Variants in ANGPTL7 observed in about 807,000 individuals in gnomAD.
The protein encoded by ANGPTL7 is angiopoietin-related protein 7.
In ANGPTL7, 37 loss-of-function variants were observed where a neutral mutation model predicts 38.8. The observed-to-expected ratio is 0.95, with a 90% CI of 0.73 to 1.25. The LOEUF is 1.25. ANGPTL7 is among the 50% of genes most tolerant of loss of function. The probability of loss-of-function intolerance (pLI) is 0.00; values close to 1 mark genes in which losing one functional copy is unlikely to be tolerated. For synonymous variants in ANGPTL7, 166 were observed against 163.2 expected, an observed-to-expected ratio of 1.02 and a Z score of -0.13; for missense variants, 427 against 438.6, an observed-to-expected ratio of 0.97 and a Z score of 0.24.
chr1:11,191,798 T>C (rs982948840), intron 1 of ANGPTL7, among the ~76,000 whole-genome samples: 1 of 152,190 alleles, frequency 6.6e-6, no homozygotes, highest in Non-Finnish European at 1.5e-5. Context: ...CAGGTGGCAG[T>C]AGCCACCATC....
chr1:11,194,637 C>A lies in ANGPTL7; in HGVS notation c.849C>A (p.Asp283Glu). 1 of 1,614,210 alleles carries A rather than the reference C, an allele frequency of 6.2e-7. No individual in the cohort carries two copies. Among genetic ancestry groups the A allele is most frequent in the Non-Finnish European group, 8.5e-7 (1 of 1,180,040 alleles). The change falls in exon 4 of 5, where the codon GAC (aspartate) becomes GAA (glutamate). Residue 283 changes from aspartate to glutamate, a missense_variant. Transcript: ENST00000376819. The stretch of plus-strand genomic sequence containing the variant: ...ACAAGGACAATGACAACTGCTTGGA[C>A]AAGTGTGCACAGCTCCGCAAAGGTG... ...TKDKDNDNCL[D>E]KCAQLRKGGY...
Position 11,189,377 on chromosome 1 carries a change from G to A in ANGPTL7, c.-203G>A, listed in dbSNP as rs915710172. The stretch of plus-strand genomic sequence containing the variant: ...TTCGGGCTTGGAAGGAAAGCTATAG[G>A]CTACCCATTCAGCTCCCCTGTCAGA... On this transcript the variant is annotated 5_prime_UTR_variant, in exon 1 of 5. Coordinates refer to ENST00000376819, the MANE Select transcript of ANGPTL7 (RefSeq NM_021146.4). 1.4e-5 allele frequency: 9 copies of A among 633,582 alleles called. No homozygotes were observed. Among genetic ancestry groups the A allele is most frequent in the Admixed American group, 8.9e-5 (3 of 33,528 alleles). The allele number at this position is 633,582 out of a possible 1,614,324, so 39.2% of individuals were successfully genotyped here. A position where few individuals can be genotyped will look rare whatever the true frequency, so the allele number is the denominator to read the frequency against.
At chr1:11,193,259 G>A (rs1205500619) in intron 2 of ANGPTL7, among the ~76,000 whole-genome samples, 1 of 151,852 alleles carries the variant, frequency 6.6e-6, no homozygotes, top group Non-Finnish European at 1.5e-5. Context: ...GCAGTGAGCC[G>A]AGATTGCACC....
In ANGPTL7 at chr1:11,194,571, C is replaced by T. The variant is rs113054822; in HGVS notation, c.783C>T (p.Asp261=). 7.3e-5 allele frequency: 118 copies of T among 1,614,160 alleles called. No individual in the cohort carries two copies. Among genetic ancestry groups the T allele is most frequent in the South Asian group, 1.6e-4 (15 of 91,080 alleles). The change falls in exon 4 of 5, where the codon GAC becomes GAT. Residue 261 remains aspartate, a synonymous_variant. Transcript: ENST00000376819. ...LGNYTGNVGN[D]ALQYHNNTAF... ...ACTACACTGGCAATGTGGGGAACGACGCCCTCCAGTATCATAACAACACAG... is the reference window on the plus strand; with the variant it reads ...ACTACACTGGCAATGTGGGGAACGATGCCCTCCAGTATCATAACAACACAG...
chr1:11,193,795 C>T (rs1294711244), intron 3 of ANGPTL7, 21 bp downstream of exon 3: 15 of 1,613,168 alleles, frequency 9.3e-6, no homozygotes, highest in Non-Finnish European at 1.3e-5. Flanking sequence ...GGCCAGGGGC[C>T]CCATGACTGG....
At chr1:11,192,462 A>G in intron 2 of ANGPTL7, 92 bp downstream of exon 2, 1 of 1,181,136 alleles carries the variant, frequency 8.5e-7, no homozygotes, top group Non-Finnish European at 1.2e-6. Context: ...CAGTTTAAAG[A>G]AAGGAAAATT....
chr1:11,194,867 C>T lies in ANGPTL7; in HGVS notation c.885C>T (p.Tyr295=), dbSNP rs1482027659. ...TTCTCATGCCAGGTGGCTACTGGTA[C>T]AACTGCTGCACAGACTCCAACCTCA... ...CAQLRKGGYW[Y]NCCTDSNLNG... The change falls in exon 5 of 5, where the codon TAC becomes TAT. Residue 295 remains tyrosine, a synonymous_variant. Coordinates refer to ENST00000376819, the MANE Select transcript of ANGPTL7 (RefSeq NM_021146.4). 1 of 1,613,976 alleles carries T rather than the reference C, an allele frequency of 6.2e-7. No homozygotes were observed. Among genetic ancestry groups the T allele is most frequent in the African/African-American group, 1.3e-5 (1 of 74,928 alleles).
At chr1:11,190,096 T>A in intron 1 of ANGPTL7, 141 bp downstream of exon 1, 1 of 981,198 alleles carries the variant, frequency 1.0e-6, no homozygotes, top group Non-Finnish European at 1.5e-6. Flanking sequence ...ATGCAGTATT[T>A]CCTTTGACTT....
Position 11,193,762 on chromosome 1 carries a change from T to C in ANGPTL7, c.660T>C (p.Arg220=). Residue 220 remains arginine, a synonymous_variant, in exon 3 of 5, where the codon CGT becomes CGC. Coordinates refer to ENST00000376819, the MANE Select transcript of ANGPTL7 (RefSeq NM_021146.4). The part of the protein sequence containing the change: ...HRLSRQPTRL[R]VEMEDWEGNL... The stretch of plus-strand genomic sequence containing the variant: ...TCTCCAGACAGCCAACCCGGCTGCG[T>C]GTAGAGATGGAGGTAAGCACAAGGC... 6.2e-7 allele frequency: 1 copy of C among 1,613,994 alleles called. No homozygotes were observed. The highest frequency in any genetic ancestry group is 8.5e-7 in the Non-Finnish European group (1 of 1,179,982).
intron 1 of ANGPTL7, 25 bp from the exon 2 acceptor site, chr1:11,192,245 C>A: frequency 6.5e-7 from 1 of 1,545,532 alleles, no homozygotes; most frequent in Non-Finnish European, 8.9e-7. Flanking sequence ...TCTAAATGCT[C>A]ACCCTGTGGT....
chr1:11,193,933 A>T (rs1645667183), intron 3 of ANGPTL7, among the ~76,000 whole-genome samples, 159 bp downstream of exon 3: 2 of 97,770 alleles, frequency 2.0e-5, no homozygotes, highest in African/African-American at 4.9e-5. Context: ...AAAAATAGGT[A>T]TTTTTCCTTT....
At position 11,193,856 on chromosome 1, in the gene ANGPTL7, T is replaced by C; in HGVS notation, c.672+82T>C. The C allele has an allele frequency of 3.6e-6, 5 of 1,377,426 alleles. No individual in the cohort carries two copies. The South Asian group carries it at 6.4e-5, about 18-fold the overall frequency. 85.3% of individuals were successfully genotyped at this position (1,377,426 alleles called of 1,614,324 possible). ...TACAACTCCGGGGGTGCCATTCCTA[T>C]TCTGATTCAAGACAAATCTGTATAT... On this transcript the variant is annotated intron_variant, in intron 3 of 4. Transcript: ENST00000376819.
Position 11,194,901 on chromosome 1 carries a change from T to G in ANGPTL7, c.919T>G (p.Tyr307Asp). 2 of 1,614,166 alleles carry G rather than the reference T, an allele frequency of 1.2e-6. No individual in the cohort carries two copies. Among genetic ancestry groups the G allele is most frequent in the South Asian group, 2.2e-5 (2 of 91,080 alleles). ...CCTDSNLNGV[Y>D]YRLGEHNKHL... ...CACAGACTCCAACCTCAATGGAGTG[T>G]ACTACCGCCTGGGTGAGCACAATAA... Residue 307 changes from tyrosine to aspartate, a missense_variant, in exon 5 of 5, where the codon TAC becomes GAC. Coordinates refer to ENST00000376819, the MANE Select transcript of ANGPTL7 (RefSeq NM_021146.4).
At position 11,195,048 on chromosome 1, in the gene ANGPTL7, T is replaced by C. The variant is rs746887202; in HGVS notation, c.*25T>C. 5.6e-6 allele frequency: 9 copies of C among 1,610,336 alleles called. No individual in the cohort carries two copies. Among genetic ancestry groups the C allele is most frequent in the Middle Eastern group, 2.0e-4 (1 of 4,964 alleles). ...AAAGGAGGCTGCCGTGGAGCACGGA[T>C]ACAGAAACTGAGACACGTGGAGACT... is the stretch of plus-strand genomic sequence containing the variant. On this transcript the variant is annotated 3_prime_UTR_variant, in exon 5 of 5. Coordinates refer to ENST00000376819, the MANE Select transcript of ANGPTL7 (RefSeq NM_021146.4).
rs1293331944 is a variant in ANGPTL7 at position 11,191,982 on chromosome 1, G to A, written c.377-288G>A. 2.6e-5 allele frequency among the ~76,000 whole-genome samples: 4 copies of A among 152,158 alleles called. No homozygotes were observed. In the East Asian group the frequency reaches 7.7e-4, roughly 29 times the overall value. On this transcript the variant is annotated intron_variant, in intron 1 of 4. Coordinates refer to ENST00000376819, the MANE Select transcript of ANGPTL7 (RefSeq NM_021146.4). ...TAACATTTCTAGAATTCATGGCCCA[G>A]CTATAGCAGAATAATTTATTTCAGA...
chr1:11,193,705 CTTCTGGCTGGGG>C lies in ANGPTL7; in HGVS notation c.604_615del (p.Phe202_Gly205del). 6.2e-7 allele frequency: 1 copy of C among 1,614,130 alleles called. No individual in the cohort carries two copies. The highest frequency in any genetic ancestry group is 8.5e-7 in the Non-Finnish European group (1 of 1,180,008). On this transcript the variant is annotated inframe_deletion, in exon 3 of 5. Coordinates refer to ENST00000376819, the MANE Select transcript of ANGPTL7 (RefSeq NM_021146.4). ...AGGGCTTTGGCAGCATCCGTGGGGA[CTTCTGGCTGGGG>C]AACGAACACATCCACCGGCTCTCCA... is the stretch of plus-strand genomic sequence containing the variant.
At chr1:11,191,587 T>C (rs925044334) in intron 1 of ANGPTL7, among the ~76,000 whole-genome samples, 8 of 152,146 alleles carry the variant, frequency 5.3e-5, no homozygotes, top group East Asian at 1.9e-4. Context: ...ATATTTAGAA[T>C]ACAGAGCTTA....
rs150133866 is a variant in ANGPTL7 at position 11,189,376 on chromosome 1, G to A, written c.-204G>A. 215 of 629,822 alleles carry A rather than the reference G, an allele frequency of 3.4e-4. 2 individuals carry two copies. The African/African-American group carries it at 3.6e-3, about 10-fold the overall frequency. The allele number at this position is 629,822 out of a possible 1,614,324, so 39.0% of individuals were successfully genotyped here. A position where few individuals can be genotyped will look rare whatever the true frequency, so the allele number is the denominator to read the frequency against. ...ATTCGGGCTTGGAAGGAAAGCTATA[G>A]GCTACCCATTCAGCTCCCCTGTCAG... On this transcript the variant is annotated 5_prime_UTR_variant, in exon 1 of 5. Coordinates refer to ENST00000376819, the MANE Select transcript of ANGPTL7 (RefSeq NM_021146.4).
chr1:11,193,237 G>C (rs1158646577), intron 2 of ANGPTL7, among the ~76,000 whole-genome samples: 1 of 152,024 alleles, frequency 6.6e-6, no homozygotes, highest in African/African-American at 2.4e-5. Flanking sequence ...TGGAACTCAG[G>C]AGGTGGAGGT....
Sources: gnomAD v4.1 joint callset for allele counts (sites outside exome capture counted in the v4.1 genomes callset) on GRCh38, gnomAD v4.1.1 for gene constraint, MANE v1.5 for transcripts, NCBI Gene and HGNC (gene_info 2026-07-23, HGNC 2026-07-21) for gene names.